SAMD5: variants seen among roughly 807,000 people sequenced by gnomAD.
SAMD5 encodes the protein sterile alpha motif domain containing 5.
Under a neutral mutation model 11.3 loss-of-function variants are expected in SAMD5, and 13 were observed. That is an observed-to-expected ratio of 1.15 (90% CI 0.75 to 1.83). SAMD5 has a LOEUF of 1.83. Among genes scored for constraint, SAMD5 ranks in the 40% most tolerant of loss-of-function variants. SAMD5 has a pLI of 0.00. For missense variants in SAMD5, 255 were observed against 239.1 expected (o/e 1.07, Z -0.44); for synonymous variants, 129 against 111.3 (o/e 1.16, Z -1.00).
chr6:147,605,243 A>T (rs760489715), intron 1 of SAMD5, among the ~76,000 whole-genome samples: 3 of 152,136 alleles, frequency 2.0e-5, no homozygotes, highest in African/African-American at 7.2e-5. Flanking sequence ...CTCCTGGGTA[A>T]CTGGGACTAC....
At chr6:147,658,663 T>TG (rs893750600) in intron 1 of SAMD5, among the ~76,000 whole-genome samples, 1 of 152,028 alleles carries the variant, frequency 6.6e-6, no homozygotes, top group Admixed American at 6.5e-5. Context: ...TACTGGGTTT[T>TG]TTTTTTTCCA....
In SAMD5 at chr6:147,706,247, A is replaced by C. The variant is rs1469683058; in HGVS notation, c.163-31070A>C. Among the ~76,000 whole-genome samples, 4 of 152,020 alleles carry C rather than the reference A, an allele frequency of 2.6e-5. No homozygotes were observed. The East Asian group carries it at 7.7e-4, about 29-fold the overall frequency. On this transcript the variant is annotated intron_variant, in intron 1 of 1. Coordinates refer to the SAMD5 transcript ENST00000566741. The stretch of plus-strand genomic sequence containing the variant: ...TTTGTTTTTGTTTTTTTCGAGACGG[A>C]GTCTTACTTTGTTACCCAGGCTGGA...
chr6:147,691,315 A>G (rs951344447), intron 1 of SAMD5, among the ~76,000 whole-genome samples: 8 of 152,072 alleles, frequency 5.3e-5, no homozygotes, highest in African/African-American at 1.9e-4. Flanking sequence ...TTATTTAGAG[A>G]GATATTTAAC....
At chr6:147,641,567 A>T (rs1583119672) in intron 1 of SAMD5, among the ~76,000 whole-genome samples, 8 of 139,838 alleles carry the variant, frequency 5.7e-5, no homozygotes, top group Non-Finnish European at 6.1e-5. Flanking sequence ...TCTGTCTTTA[A>T]TTTTTTTTTT....
chr6:147,509,666 C>T (rs1372146501), intron 1 of SAMD5, among the ~76,000 whole-genome samples: 1 of 152,224 alleles, frequency 6.6e-6, no homozygotes, highest in Admixed American at 6.5e-5. Flanking sequence ...TGTCAGGAAT[C>T]GGACTCGCGC....
intron 1 of SAMD5, among the ~76,000 whole-genome samples, chr6:147,607,183 G>A (rs1789716085): frequency 6.6e-6 from 1 of 151,824 alleles, no homozygotes; most frequent in Non-Finnish European, 1.5e-5. Flanking sequence ...AGAAAGTGGA[G>A]CACACCAAAA....
intron 1 of SAMD5, among the ~76,000 whole-genome samples, chr6:147,526,383 A>G (rs1050931385): frequency 3.3e-5 from 5 of 152,236 alleles, no homozygotes; most frequent in African/African-American, 1.2e-4. Context: ...CCTAATGGAA[A>G]TTACAGTCTG....
chr6:147,837,981 T>C, the SAMD5 span, among the ~76,000 whole-genome samples: 4 of 152,172 alleles, frequency 2.6e-5, no homozygotes, highest in Admixed American at 6.5e-5. Flanking sequence ...CTTGCCCTTC[T>C]TCCAGTCACC....
the SAMD5 span, among the ~76,000 whole-genome samples, chr6:147,881,028 G>A: frequency 1.3e-5 from 2 of 152,036 alleles, no homozygotes; most frequent in African/African-American, 4.8e-5. Context: ...TTTGACACAG[G>A]TTTTAGATAA....
rs1026716469 is a variant in SAMD5, at chr6:147,711,250, C to T, written c.163-26067C>T. The stretch of plus-strand genomic sequence containing the variant: ...AATTACAGATGAGGAAAGTGGGCCT[C>T]GGAGAGTTCAGCCCATTGTCAGGGG... On this transcript the variant is annotated intron_variant, in intron 1 of 1. Coordinates refer to the SAMD5 transcript ENST00000566741. The surrounding 1 kb of genome is among the most constrained non-coding windows in gnomAD (Gnocchi z 4.1). 1.3e-5 allele frequency among the ~76,000 whole-genome samples: 2 copies of T among 152,264 alleles called. No individual in the cohort carries two copies. The highest frequency in any genetic ancestry group is 1.9e-4 in the East Asian group (1 of 5,182).
intron 1 of SAMD5, among the ~76,000 whole-genome samples, chr6:147,667,219 G>A (rs116511778): frequency 0.02 from 3,085 of 152,112 alleles, 96 homozygotes; most frequent in African/African-American, 0.069. Context: ...TTTTCCTACA[G>A]TTTATTATTT....
At chr6:147,570,846 G>T (rs780521408), downstream of SAMD5, among the ~76,000 whole-genome samples, 1 of 152,170 alleles carries the variant, frequency 6.6e-6, no homozygotes, top group Non-Finnish European at 1.5e-5. Flanking sequence ...AGACTAAGGT[G>T]CCAGGAGTGA....
intron 1 of SAMD5, among the ~76,000 whole-genome samples, chr6:147,730,495 A>G (rs953195580): frequency 6.6e-6 from 1 of 152,208 alleles, no homozygotes; most frequent in Non-Finnish European, 1.5e-5. Context: ...TAAAACTGCA[A>G]GGACAAAGGA....
In SAMD5 at chr6:147,517,462, T is replaced by G. The variant is rs536647252; in HGVS notation, c.459+8075T>G. 2.0e-5 allele frequency among the ~76,000 whole-genome samples: 3 copies of G among 152,318 alleles called. No homozygotes were observed. In the East Asian group the frequency reaches 5.8e-4, roughly 29 times the overall value. On this transcript the variant is annotated intron_variant, in intron 1 of 1. Coordinates refer to ENST00000367474, the MANE Select transcript of SAMD5 (RefSeq NM_001030060.3). ...TGTGTCAGCTGTGTACAGAAGGGTC[T>G]GCTGACCCAGATCTTATTCCTAATG...
At chr6:147,811,130 T>C in the SAMD5 span, among the ~76,000 whole-genome samples, 1 of 152,180 alleles carries the variant, frequency 6.6e-6, no homozygotes, top group Non-Finnish European at 1.5e-5. Context: ...CGGCATATAG[T>C]AAGTACTTAA....
chr6:147,737,825 A>T (rs989810244), downstream of SAMD5, among the ~76,000 whole-genome samples: 1 of 151,918 alleles, frequency 6.6e-6, no homozygotes, highest in African/African-American at 2.4e-5. Flanking sequence ...TACAGTGTAT[A>T]TAAATGTATA....
chr6:147,892,659 A>G, the SAMD5 span, among the ~76,000 whole-genome samples: 2 of 152,180 alleles, frequency 1.3e-5, no homozygotes, highest in Non-Finnish European at 2.9e-5. Flanking sequence ...CTAATTAACT[A>G]AAAAGGAAAT....
At chr6:147,815,525 C>T in the SAMD5 span, among the ~76,000 whole-genome samples, 19 of 152,074 alleles carry the variant, frequency 1.2e-4, no homozygotes, top group Non-Finnish European at 1.8e-4. Context: ...AGGAAGGGTT[C>T]GGCTATGGAA....
intron 1 of SAMD5, among the ~76,000 whole-genome samples, chr6:147,563,319 C>A (rs1358296291): frequency 6.6e-6 from 1 of 152,162 alleles, no homozygotes. Flanking sequence ...TTTAAAGAGT[C>A]TTGATGATGT....
Sources: allele counts gnomAD v4.1 joint callset (sites outside exome capture counted in the v4.1 genomes callset), GRCh38; gene constraint gnomAD v4.1.1; non-coding constraint Gnocchi (gnomAD v3.1); transcripts MANE v1.5; gene names NCBI Gene and HGNC (gene_info 2026-07-23, HGNC 2026-07-21).